KCND2: variants seen among roughly 807,000 people sequenced by gnomAD.
The protein encoded by KCND2 is A-type voltage-gated potassium channel KCND2.
Under a neutral mutation model 54.4 loss-of-function variants are expected in KCND2, and 16 were observed. The observed-to-expected ratio is 0.29, with a 90% CI of 0.20 to 0.45. KCND2 has a LOEUF of 0.45. Among genes scored for constraint, KCND2 ranks in the 20% least tolerant of loss-of-function variants. The pLI, the probability that KCND2 is intolerant of heterozygous loss-of-function variation, is 1.00. For missense variants in KCND2, 486 were observed against 824.2 expected, an observed-to-expected ratio of 0.59 and a Z score of 5.02; for synonymous variants, 317 against 310.7, an observed-to-expected ratio of 1.02 and a Z score of -0.21.
chr7:120,453,799 A>G (rs1473092846), intron 1 of KCND2, among the ~76,000 whole-genome samples: 2 of 152,206 alleles, frequency 1.3e-5, no homozygotes, highest in African/African-American at 4.8e-5. Flanking sequence ...CAAAAAGTTA[A>G]AAAGAGTCCA....
chr7:120,659,200 A>C (rs1412731433), intron 1 of KCND2, among the ~76,000 whole-genome samples: 3 of 152,318 alleles, frequency 2.0e-5, no homozygotes, highest in Non-Finnish European at 4.4e-5. Context: ...GAGACTTCAC[A>C]GTTTCCCTCT....
At chr7:120,706,871 T>C (rs114111338) in intron 1 of KCND2, among the ~76,000 whole-genome samples, 248 of 152,282 alleles carry the variant, frequency 1.6e-3, no homozygotes, top group African/African-American at 5.6e-3. Flanking sequence ...AATAATGTTT[T>C]CTATAGAGAG....
intron 1 of KCND2, among the ~76,000 whole-genome samples, chr7:120,672,576 A>G (rs1311449294): frequency 6.6e-6 from 1 of 152,066 alleles, no homozygotes; most frequent in Non-Finnish European, 1.5e-5. Context: ...CTTCTCAGCC[A>G]AAAGTTCCCC....
intron 1 of KCND2, among the ~76,000 whole-genome samples, chr7:120,520,943 A>G (rs1791684232): frequency 6.6e-6 from 1 of 152,146 alleles, no homozygotes; most frequent in Non-Finnish European, 1.5e-5. Flanking sequence ...CTCTAATGAG[A>G]CAAAAGAGAA....
intron 1 of KCND2, among the ~76,000 whole-genome samples, chr7:120,319,621 C>T (rs1799863956): frequency 6.6e-6 from 1 of 152,030 alleles, no homozygotes; most frequent in Admixed American, 6.6e-5. Flanking sequence ...CATGTTTTTA[C>T]CTCTTCTTCA....
Position 120,748,055 on chromosome 7 carries a change from T to C in KCND2, c.*197T>C. The C allele has an allele frequency of 3.7e-6, 2 of 547,484 alleles. No individual in the cohort carries two copies. The highest frequency in any genetic ancestry group is 2.1e-5 in the South Asian group (1 of 47,958). The allele number at this position is 547,484 out of a possible 1,614,324, so 33.9% of individuals were successfully genotyped here. Reference sequence around the variant, plus strand: ...CATTTCTAGACAGTTTGACCTGTTATACAGAGTAATATTCTGTGGCCCTTT... The same window carrying C: ...CATTTCTAGACAGTTTGACCTGTTACACAGAGTAATATTCTGTGGCCCTTT... On this transcript the variant is annotated 3_prime_UTR_variant, in exon 6 of 6. Transcript: ENST00000331113.
chr7:120,545,875 AAAG>A lies in KCND2; in HGVS notation c.1116-187020_1116-187018del, dbSNP rs201026065. ...ATTCAGTGACTGTTGTTCAAAAAAA[AAAG>A]AAGAAGAGGAAATCCGATTTGAATT... On this transcript the variant is annotated intron_variant, in intron 1 of 5. Coordinates refer to ENST00000331113, the MANE Select transcript of KCND2 (RefSeq NM_012281.3). 5.7e-3 allele frequency among the ~76,000 whole-genome samples: 867 copies of A among 151,960 alleles called. 5 individuals are homozygous for A. The highest frequency in any genetic ancestry group is 0.018 in the African/African-American group (750 of 41,528).
At chr7:120,632,045 A>G (rs563417616) in intron 1 of KCND2, among the ~76,000 whole-genome samples, 8 of 152,122 alleles carry the variant, frequency 5.3e-5, no homozygotes, top group Non-Finnish European at 8.8e-5. Flanking sequence ...CTAATACCCC[A>G]ATTTCCTGGG....
At chr7:120,477,805 A>T (rs925313561) in intron 1 of KCND2, among the ~76,000 whole-genome samples, 3 of 152,154 alleles carry the variant, frequency 2.0e-5, no homozygotes, top group African/African-American at 7.2e-5. Context: ...TAGTTCAGCA[A>T]CACATGTTGG....
chr7:120,372,904 A>G (rs1052393468), intron 1 of KCND2, among the ~76,000 whole-genome samples: 3 of 151,918 alleles, frequency 2.0e-5, no homozygotes, highest in African/African-American at 7.2e-5. Flanking sequence ...AGTCTTTATG[A>G]ATCTGGACTT....
intron 1 of KCND2, among the ~76,000 whole-genome samples, chr7:120,370,011 G>T (rs1202299523): frequency 6.6e-6 from 1 of 151,954 alleles, no homozygotes; most frequent in African/African-American, 2.4e-5. Context: ...GGTGGATGGG[G>T]AAGAGACTTG....
chr7:120,537,170 G>A (rs1484293671), intron 1 of KCND2, among the ~76,000 whole-genome samples: 10 of 152,124 alleles, frequency 6.6e-5, no homozygotes, highest in Admixed American at 6.6e-4. Flanking sequence ...ACGTTAGCAG[G>A]CATAAAAACA....
At chr7:120,732,809 A>C in intron 1 of KCND2, 94 bp from the exon 2 acceptor site, 1 of 991,802 alleles carries the variant, frequency 1.0e-6, no homozygotes, top group Non-Finnish European at 1.5e-6. Context: ...ATGTCCAAAA[A>C]ATCATTTGAC....
chr7:120,635,441 C>G (rs529495789), intron 1 of KCND2, among the ~76,000 whole-genome samples: 1 of 152,270 alleles, frequency 6.6e-6, no homozygotes, highest in South Asian at 2.1e-4. Flanking sequence ...ACATTTCCTT[C>G]TATCTTTAGA....
At chr7:120,343,674 T>G (rs1426073048) in intron 1 of KCND2, among the ~76,000 whole-genome samples, 1 of 152,228 alleles carries the variant, frequency 6.6e-6, no homozygotes. Flanking sequence ...TCAGTTATGT[T>G]ATTTTAAGCC....
At chr7:120,678,738 GTATATATATATATATATATA>G (rs66483423) in intron 1 of KCND2, among the ~76,000 whole-genome samples, 49 of 115,786 alleles carry the variant, frequency 4.2e-4, no homozygotes, top group African/African-American at 8.7e-4. Context: ...GTGTGTGAGT[GTATATATATATATATATATA>G]TATATATATA....
chr7:120,660,422 A>G (rs1471110307), intron 1 of KCND2, among the ~76,000 whole-genome samples: 2 of 152,226 alleles, frequency 1.3e-5, no homozygotes, highest in Non-Finnish European at 2.9e-5. Flanking sequence ...TCAATTAAGA[A>G]CGGATCATTT....
chr7:120,501,787 C>T lies in KCND2; in HGVS notation c.1115+226040C>T, dbSNP rs192035766. On this transcript the variant is annotated intron_variant, in intron 1 of 5. Transcript: ENST00000331113. ...CCATGCTCTAGGGAATAATATATTT[C>T]GCACTGTATTCCCCTGGGTGTTTCA... is the stretch of plus-strand genomic sequence containing the variant. Among the ~76,000 whole-genome samples, 131 of 152,098 alleles carry T rather than the reference C, an allele frequency of 8.6e-4. 2 individuals carry two copies. The highest frequency in any genetic ancestry group is 6.9e-3 in the Admixed American group (105 of 15,238).
intron 1 of KCND2, among the ~76,000 whole-genome samples, chr7:120,497,566 G>A (rs1451989308): frequency 2.0e-5 from 3 of 152,140 alleles, no homozygotes; most frequent in African/African-American, 7.2e-5. Flanking sequence ...AAAGTGCTGA[G>A]GATTCCATGT....
Sources: allele counts gnomAD v4.1 joint callset (sites outside exome capture counted in the v4.1 genomes callset), GRCh38; gene constraint gnomAD v4.1.1; transcripts MANE v1.5; gene names NCBI Gene and HGNC (gene_info 2026-07-23, HGNC 2026-07-21).